The following ADAM18 variants were observed in gnomAD, a reference collection of about 807,000 sequenced individuals.
ADAM18 encodes the protein disintegrin and metalloproteinase domain-containing protein 18.
Under a neutral mutation model 94.4 loss-of-function variants are expected in ADAM18, and 117 were observed. The observed-to-expected ratio is 1.24, with a 90% confidence interval of 1.07 to 1.45. The LOEUF is 1.45. ADAM18 is among the 40% of genes most tolerant of loss of function. ADAM18 has a pLI of 0.00. For synonymous variants in ADAM18, 327 were observed against 291.6 expected, an observed-to-expected ratio of 1.12 and a Z score of -1.24; for missense variants, 936 against 880.0, an observed-to-expected ratio of 1.06 and a Z score of -0.81.
rs963901233 is a variant in ADAM18 at position 39,597,760 on chromosome 8, G to C, written c.133-8547G>C. Among the ~76,000 whole-genome samples the C allele has an allele frequency of 5.3e-5, 8 of 152,250 alleles. No homozygotes were observed. In the South Asian group the frequency reaches 1.0e-3, roughly 20 times the overall value. ...CTTTTAGTATTGTGTTGTGTTGCCTGTTCTTGGTCTTTTGCCTCTCCACAT... is the reference window on the plus strand; with the variant it reads ...CTTTTAGTATTGTGTTGTGTTGCCTCTTCTTGGTCTTTTGCCTCTCCACAT... On this transcript the variant is annotated intron_variant, in intron 2 of 19. Coordinates refer to ENST00000265707, the MANE Select transcript of ADAM18 (RefSeq NM_014237.3).
chr8:39,701,445 TTC>T (rs1218536915), intron 17 of ADAM18, among the ~76,000 whole-genome samples: 2 of 152,130 alleles, frequency 1.3e-5, no homozygotes, highest in East Asian at 1.9e-4. Context: ...TTAAACATTT[TTC>T]TTTTTTATTT....
intron 6 of ADAM18, among the ~76,000 whole-genome samples, chr8:39,626,340 T>A (rs1035628721): frequency 5.9e-5 from 9 of 152,154 alleles, no homozygotes; most frequent in Non-Finnish European, 1.2e-4. Flanking sequence ...GTTTTGTTAA[T>A]CTTTTCAAAG....
chr8:39,709,957 GGTTTA>G (rs1822350033), intron 18 of ADAM18, among the ~76,000 whole-genome samples: 1 of 152,182 alleles, frequency 6.6e-6, no homozygotes, highest in Non-Finnish European at 1.5e-5. Context: ...GATAGACAGA[GGTTTA>G]GTTATCTGTG....
At chr8:39,651,925 C>T (rs2129579704) in intron 12 of ADAM18, among the ~76,000 whole-genome samples, 1 of 123,410 alleles carries the variant, frequency 8.1e-6, no homozygotes, top group South Asian at 3.7e-4. Flanking sequence ...AACAAAGAGC[C>T]CAAAAATAAA....
intron 12 of ADAM18, among the ~76,000 whole-genome samples, chr8:39,651,061 A>G (rs1820520407): frequency 6.6e-6 from 1 of 152,230 alleles, no homozygotes; most frequent in Admixed American, 6.5e-5. Context: ...AAAACATGTG[A>G]ACAAATGTCT....
intron 12 of ADAM18, among the ~76,000 whole-genome samples, chr8:39,658,730 C>T (rs372235985): frequency 6.6e-6 from 1 of 152,080 alleles, no homozygotes; most frequent in East Asian, 1.9e-4. Flanking sequence ...AGGTTGTTTA[C>T]GCTGGTTTCT....
intron 10 of ADAM18, among the ~76,000 whole-genome samples, chr8:39,640,161 C>T (rs1369057747): frequency 6.6e-6 from 1 of 152,018 alleles, no homozygotes; most frequent in Admixed American, 6.6e-5. Flanking sequence ...AGCTATTCTT[C>T]CTGATCCTCT....
chr8:39,627,070 G>T (rs1819789815), intron 6 of ADAM18, among the ~76,000 whole-genome samples: 1 of 152,014 alleles, frequency 6.6e-6, no homozygotes, highest in Non-Finnish European at 1.5e-5. Flanking sequence ...ATGAATGTGG[G>T]AGCACCAAAG....
chr8:39,612,587 C>G (rs889837313), intron 6 of ADAM18, among the ~76,000 whole-genome samples: 1 of 151,986 alleles, frequency 6.6e-6, no homozygotes, highest in African/African-American at 2.4e-5. Context: ...GCGCTCATAC[C>G]CCAAGGCTCT....
chr8:39,714,886 T>A (rs2129581575), intron 18 of ADAM18, among the ~76,000 whole-genome samples: 1 of 152,258 alleles, frequency 6.6e-6, no homozygotes, highest in Middle Eastern at 3.4e-3. Flanking sequence ...TTGTTTCACT[T>A]AAAGTTGCAT....
rs555628832 is a variant in ADAM18, at chr8:39,647,769, T to C, written c.1047-575T>C. 5.3e-4 allele frequency among the ~76,000 whole-genome samples: 81 copies of C among 152,334 alleles called. 2 individuals carry two copies. The South Asian group carries it at 6.2e-3, about 12-fold the overall frequency. On this transcript the variant is annotated intron_variant, in intron 11 of 19. Coordinates refer to ENST00000265707, the MANE Select transcript of ADAM18 (RefSeq NM_014237.3). ...AAGCATACTGCTTGTAAACATTTTG[T>C]TAACAAGGCACGTCCTGCACAGCCC...
intron 12 of ADAM18, among the ~76,000 whole-genome samples, chr8:39,655,105 C>T (rs1298337093): frequency 2.6e-5 from 4 of 152,008 alleles, no homozygotes; most frequent in African/African-American, 9.7e-5. Context: ...AAAAACTTAG[C>T]CCAATTTCCC....
rs1823029403 is a variant in ADAM18, at chr8:39,730,050, C to T, written c.*110C>T. 9.3e-7 allele frequency: 1 copy of T among 1,072,574 alleles called. No homozygotes were observed. Among genetic ancestry groups the T allele is most frequent in the South Asian group, 1.4e-5 (1 of 73,636 alleles). The allele number at this position is 1,072,574 out of a possible 1,614,324, so 66.4% of individuals were successfully genotyped here. Reference sequence around the variant, plus strand: ...AATGTCAAACTTTTGGAAAATAAAGCCTGCGTGCCCTCCCATGTGCCTCCT... The same window carrying T: ...AATGTCAAACTTTTGGAAAATAAAGTCTGCGTGCCCTCCCATGTGCCTCCT... On this transcript the variant is annotated 3_prime_UTR_variant, in exon 20 of 20. Coordinates refer to ENST00000265707, the MANE Select transcript of ADAM18 (RefSeq NM_014237.3).
At chr8:39,585,396 C>A (rs1035469794) in intron 2 of ADAM18, 44 bp downstream of exon 2, 2 of 1,395,102 alleles carry the variant, frequency 1.4e-6, no homozygotes, top group African/African-American at 1.4e-5. Context: ...AGCTTTATGG[C>A]AATTTTTATT....
At chr8:39,625,628 T>G (rs1819746331) in intron 6 of ADAM18, among the ~76,000 whole-genome samples, 1 of 152,176 alleles carries the variant, frequency 6.6e-6, no homozygotes. Flanking sequence ...TCTTGGGGAA[T>G]GCTTTCAGCT....
intron 15 of ADAM18, 125 bp downstream of exon 15, chr8:39,677,661 A>G (rs191702730): frequency 8.0e-6 from 5 of 625,508 alleles, no homozygotes; most frequent in Non-Finnish European, 7.9e-6. Context: ...ACCAATGCAT[A>G]TATTTTTTCT....
rs1489293589 is a variant in ADAM18 at position 39,606,195 on chromosome 8, G to A, written c.133-112G>A. On this transcript the variant is annotated intron_variant, in intron 2 of 19. Coordinates refer to ENST00000265707, the MANE Select transcript of ADAM18 (RefSeq NM_014237.3). ...ACTATTTAGAATAATAAATTCTAAA[G>A]ATTATGTTCATTTTTAATAGATAGA... The A allele has an allele frequency of 1.1e-5, 7 of 622,296 alleles. No homozygotes were observed. In the African/African-American group the frequency reaches 1.2e-4, roughly 10 times the overall value. 38.5% of individuals were successfully genotyped at this position (622,296 alleles called of 1,614,324 possible). A position where few individuals can be genotyped will look rare whatever the true frequency, so the allele number is the denominator to read the frequency against.
intron 6 of ADAM18, among the ~76,000 whole-genome samples, chr8:39,617,868 A>G (rs913718920): frequency 6.6e-6 from 1 of 152,118 alleles, no homozygotes; most frequent in Admixed American, 6.6e-5. Context: ...GTGGGGACCT[A>G]TTGGGTACAA....
intron 7 of ADAM18, among the ~76,000 whole-genome samples, chr8:39,632,107 A>T (rs1171559843): frequency 6.6e-6 from 1 of 151,242 alleles, no homozygotes; most frequent in African/African-American, 2.4e-5. Context: ...ATGAATTTTA[A>T]TTTTTTTAAT....
Sources: gnomAD v4.1 joint callset for allele counts (sites outside exome capture counted in the v4.1 genomes callset) on GRCh38, gnomAD v4.1.1 for gene constraint, MANE v1.5 for transcripts, NCBI Gene and HGNC (gene_info 2026-07-23, HGNC 2026-07-21) for gene names.